ATP9B: variants seen among roughly 807,000 people sequenced by gnomAD.
ATP9B encodes the protein probable phospholipid-transporting ATPase IIB.
A neutral mutation model predicts 146.1 loss-of-function variants in ATP9B; 110 were observed. The ratio of observed to expected loss-of-function variants is 0.75; its 90% confidence interval spans 0.65 to 0.88. ATP9B has a LOEUF of 0.88. ATP9B is among the 40% of genes least tolerant of loss of function. The pLI is 0.00. For synonymous variants in ATP9B, 604 were observed against 569.7 expected (o/e 1.06, Z -0.86); for missense variants, 1,499 against 1,496.4 (o/e 1.00, Z -0.03).
chr18:79,134,184 C>G (rs890615039), intron 5 of ATP9B, among the ~76,000 whole-genome samples: 5 of 152,156 alleles, frequency 3.3e-5, no homozygotes, highest in African/African-American at 4.8e-5. Context: ...CTCCTTTTCC[C>G]TCTTAGAGAC....
At chr18:79,153,633 C>T (rs1433968799) in intron 6 of ATP9B, among the ~76,000 whole-genome samples, 4 of 148,396 alleles carry the variant, frequency 2.7e-5, no homozygotes, top group African/African-American at 7.6e-5. Context: ...CAATATTTAA[C>T]GTTTTTTTCA....
At chr18:79,230,637 A>G (rs1439499564) in intron 11 of ATP9B, among the ~76,000 whole-genome samples, 2 of 152,158 alleles carry the variant, frequency 1.3e-5, no homozygotes, top group African/African-American at 4.8e-5. Context: ...TATTAAAATG[A>G]CCATGCTGCC....
intron 3 of ATP9B, among the ~76,000 whole-genome samples, chr18:79,112,336 G>A (rs2093990001): frequency 6.6e-6 from 1 of 152,092 alleles, no homozygotes; most frequent in South Asian, 2.1e-4. Context: ...CGTAAGTTTT[G>A]TTCCATTTTG....
chr18:79,208,017 G>T (rs1395606559), intron 10 of ATP9B, among the ~76,000 whole-genome samples: 1 of 152,158 alleles, frequency 6.6e-6, no homozygotes, highest in Non-Finnish European at 1.5e-5. Flanking sequence ...AGGCCGAGGC[G>T]GGCGGATCAC....
chr18:79,191,506 A>G (rs2095366354), intron 8 of ATP9B, among the ~76,000 whole-genome samples: 1 of 152,164 alleles, frequency 6.6e-6, no homozygotes, highest in African/African-American at 2.4e-5. Context: ...GACTGTATTC[A>G]TGTTCAAAAT....
At chr18:79,360,319 C>T (rs1161179648) in intron 26 of ATP9B, 1 of 152,130 alleles carries the variant, frequency 6.6e-6, no homozygotes, top group African/African-American at 2.4e-5. Flanking sequence ...CTGAAATTAT[C>T]AACTCAGATT....
At chr18:79,154,483 C>G in intron 6 of ATP9B, 21 bp from the exon 7 acceptor site, 3 of 1,518,946 alleles carry the variant, frequency 2.0e-6, no homozygotes, top group Non-Finnish European at 1.8e-6. Context: ...GATAATTAAT[C>G]TTTTATAATG....
intron 13 of ATP9B, 89 bp downstream of exon 13, chr18:79,277,285 A>T (rs1324435936): frequency 3.4e-6 from 5 of 1,485,502 alleles, no homozygotes; most frequent in Non-Finnish European, 4.6e-6. Flanking sequence ...GTTTATGTGT[A>T]TGTATATATG....
At chr18:79,153,412 G>C (rs1399330660) in intron 6 of ATP9B, among the ~76,000 whole-genome samples, 2 of 152,076 alleles carry the variant, frequency 1.3e-5, no homozygotes, top group Non-Finnish European at 2.9e-5. Context: ...TCAAATCTGT[G>C]GGGTTTTGCT....
intron 6 of ATP9B, chr18:79,145,346 G>T (rs1469177922): frequency 7.6e-6 from 1 of 131,250 alleles, no homozygotes; most frequent in East Asian, 2.6e-4. Context: ...GACTGAAGGT[G>T]CAGGCTGCAT....
intron 1 of ATP9B, among the ~76,000 whole-genome samples, chr18:79,084,553 G>T (rs1186577708): frequency 6.6e-6 from 1 of 151,168 alleles, no homozygotes; most frequent in African/African-American, 2.4e-5. Context: ...AAAAAAAAAT[G>T]TAAGCGTATT....
At chr18:79,354,956 TCCC>T (rs2096942793) in intron 25 of ATP9B, among the ~76,000 whole-genome samples, 1 of 151,838 alleles carries the variant, frequency 6.6e-6, no homozygotes, top group Admixed American at 6.6e-5. Flanking sequence ...TGTGCCCACC[TCCC>T]CCTCCCCAAA....
At chr18:79,344,963 C>T (rs1398388790) in intron 21 of ATP9B, among the ~76,000 whole-genome samples, 1 of 152,222 alleles carries the variant, frequency 6.6e-6, no homozygotes, top group Non-Finnish European at 1.5e-5. Flanking sequence ...TCCCCCTGCA[C>T]AGCTTTTGCA....
intron 12 of ATP9B, among the ~76,000 whole-genome samples, chr18:79,272,560 G>A (rs1337409227): frequency 3.3e-5 from 5 of 151,254 alleles, no homozygotes; most frequent in African/African-American, 1.2e-4. Flanking sequence ...AATCCTGCAC[G>A]GATACGCTTC....
rs1273506784 is a variant in ATP9B, at chr18:79,285,456, G to T, written c.1411+8260G>T. On this transcript the variant is annotated intron_variant, in intron 13 of 29. Transcript: ENST00000426216. The stretch of plus-strand genomic sequence containing the variant: ...GCCTGTTCATGTCCTTCGCCCACTT[G>T]TTGATGGGGTTGTTTTTTTCTTGTA... Among the ~76,000 whole-genome samples, 54 of 152,156 alleles carry T rather than the reference G, an allele frequency of 3.5e-4. 3 individuals carry two copies. Among genetic ancestry groups the T allele is most frequent in the Admixed American group, 3.5e-3 (53 of 15,270 alleles).
intron 11 of ATP9B, among the ~76,000 whole-genome samples, chr18:79,244,447 G>T (rs1003500089): frequency 2.0e-5 from 3 of 151,636 alleles, no homozygotes; most frequent in African/African-American, 4.9e-5. Flanking sequence ...TTTTTTTTAA[G>T]CTCCTTGAAA....
intron 5 of ATP9B, among the ~76,000 whole-genome samples, chr18:79,139,121 C>T (rs1030621082): frequency 6.6e-6 from 1 of 152,166 alleles, no homozygotes; most frequent in Non-Finnish European, 1.5e-5. Flanking sequence ...GATATAAATA[C>T]ATTTTTATCC....
intron 5 of ATP9B, 73 bp downstream of exon 5, chr18:79,126,448 G>A: frequency 2.0e-6 from 2 of 1,007,362 alleles, no homozygotes; most frequent in South Asian, 1.7e-5. Context: ...CATAACAAAT[G>A]TATGAAAACA....
chr18:79,282,284 AG>A (rs1352464054), intron 13 of ATP9B, among the ~76,000 whole-genome samples: 1 of 152,226 alleles, frequency 6.6e-6, no homozygotes, highest in Non-Finnish European at 1.5e-5. Context: ...GCAGGGTCTG[AG>A]AGCATCGACT....
Sources: allele counts gnomAD v4.1 joint callset (sites outside exome capture counted in the v4.1 genomes callset), GRCh38; gene constraint gnomAD v4.1.1; transcripts MANE v1.5; gene names NCBI Gene and HGNC (gene_info 2026-07-23, HGNC 2026-07-21).